TRIM33: variants seen among roughly 807,000 people sequenced by gnomAD.
The protein encoded by TRIM33 is tripartite motif containing 33.
TRIM33 carries 20 observed loss-of-function variants against 125.4 expected under a neutral mutation model. That is an observed-to-expected ratio of 0.16 (90% confidence interval 0.11 to 0.23). The LOEUF (loss-of-function observed/expected upper bound fraction) is 0.23, where lower values mean the gene tolerates loss of function less well. TRIM33 is among the 10% of genes least tolerant of loss of function. TRIM33 has a pLI of 1.00. For synonymous variants in TRIM33, 564 were observed against 513.9 expected (o/e 1.10, Z -1.32); for missense variants, 920 against 1,411.4 (o/e 0.65, Z 5.58).
At chr1:114,475,145 CAA>C (rs1484758514) in intron 1 of TRIM33, among the ~76,000 whole-genome samples, 1 of 152,050 alleles carries the variant, frequency 6.6e-6, no homozygotes, top group African/African-American at 2.4e-5. Flanking sequence ...CCCCACAAAA[CAA>C]AAGAGAGGCT....
At chr1:114,495,897 T>C (rs963705057) in intron 1 of TRIM33, among the ~76,000 whole-genome samples, 1 of 152,208 alleles carries the variant, frequency 6.6e-6, no homozygotes, top group Non-Finnish European at 1.5e-5. Context: ...TATTACTAAT[T>C]TATTATAAAA....
chr1:114,450,817 C>A (rs1037809232), intron 4 of TRIM33, among the ~76,000 whole-genome samples: 1 of 152,142 alleles, frequency 6.6e-6, no homozygotes, highest in Non-Finnish European at 1.5e-5. Context: ...TTTTAAAAAT[C>A]ATTGTTCTGG....
At chr1:114,472,090 A>C (rs1051578406) in intron 1 of TRIM33, among the ~76,000 whole-genome samples, 11 of 152,198 alleles carry the variant, frequency 7.2e-5, no homozygotes, top group African/African-American at 2.7e-4. Flanking sequence ...GCCTTCCTAA[A>C]ATGTGAACAC....
intron 15 of TRIM33, among the ~76,000 whole-genome samples, chr1:114,403,735 T>A (rs565938685): frequency 1.3e-5 from 2 of 152,192 alleles, no homozygotes; most frequent in Non-Finnish European, 2.9e-5. Flanking sequence ...GGTTTCACCA[T>A]GTTGACCAGG....
intron 4 of TRIM33, among the ~76,000 whole-genome samples, chr1:114,448,603 A>C (rs1330873940): frequency 2.0e-5 from 3 of 152,226 alleles, no homozygotes; most frequent in Non-Finnish European, 4.4e-5. Context: ...AAGTGAATTC[A>C]AAAAGTGGGA....
chr1:114,501,453 G>GA (rs1365402344), intron 1 of TRIM33, among the ~76,000 whole-genome samples: 3 of 152,160 alleles, frequency 2.0e-5, no homozygotes, highest in Non-Finnish European at 4.4e-5. Flanking sequence ...AATGACAGCT[G>GA]TTTTTCACCC....
Position 114,397,390 on chromosome 1 carries a change from C to G in TRIM33, c.*258G>C, listed in dbSNP as rs1046814067. 6.1e-6 allele frequency: 3 copies of G among 488,536 alleles called. No individual in the cohort carries two copies. The highest frequency in any genetic ancestry group is 1.9e-5 in the African/African-American group (1 of 51,660). The allele number at this position is 488,536 out of a possible 1,614,324, so 30.3% of individuals were successfully genotyped here. A position where few individuals can be genotyped will look rare whatever the true frequency, so the allele number is the denominator to read the frequency against. On this transcript the variant is annotated 3_prime_UTR_variant, in exon 20 of 20. Transcript: ENST00000358465. ...AATCAGAGAATCATCTCCATTAGAA[C>G]AGAAATCCTCAAATCATTTCACTTT...
At chr1:114,454,602 C>T (rs141197454) in intron 4 of TRIM33, among the ~76,000 whole-genome samples, 64 of 151,164 alleles carry the variant, frequency 4.2e-4, no homozygotes, top group African/African-American at 1.2e-3. Context: ...GAGAGAACTG[C>T]TTGAGCCCAG....
Position 114,421,524 on chromosome 1 carries a change from G to C in TRIM33, c.1973C>G (p.Thr658Ser). Residue 658 changes from threonine to serine, a missense_variant, in exon 11 of 20, where the codon ACC becomes AGC. By Grantham distance (58) the Thr-to-Ser change is moderately conservative. Transcript: ENST00000358465. ...ATMANANRGP[T>S]SPSVTAIELI... ...CTCTATTGCTGTAACAGATGGGCTG[G>C]TGGGACCTCGGTTTGCATTTGCCAT... 1.2e-6 allele frequency: 2 copies of C among 1,614,160 alleles called. No homozygotes were observed. Among genetic ancestry groups the C allele is most frequent in the Non-Finnish European group, 1.7e-6 (2 of 1,180,036 alleles).
At chr1:114,399,916 T>G (rs1428846832) in intron 17 of TRIM33, among the ~76,000 whole-genome samples, 1 of 152,064 alleles carries the variant, frequency 6.6e-6, no homozygotes, top group Non-Finnish European at 1.5e-5. Flanking sequence ...ACCAGAATTT[T>G]ATGACTCCTT....
chr1:114,433,231 A>G (rs1360768563), intron 5 of TRIM33, among the ~76,000 whole-genome samples: 1 of 152,210 alleles, frequency 6.6e-6, no homozygotes, highest in Non-Finnish European at 1.5e-5. Context: ...TAAGATAAGC[A>G]CTGTTTTCAA....
At position 114,394,803 on chromosome 1, in the gene TRIM33, T is replaced by G. The variant is rs1319414205; in HGVS notation, c.*2845A>C. The G allele has an allele frequency of 5.0e-6, 1 of 198,942 alleles. No individual in the cohort carries two copies. Among genetic ancestry groups the G allele is most frequent in the Non-Finnish European group, 1.0e-5 (1 of 96,196 alleles). The allele number at this position is 198,942 out of a possible 1,614,324, so 12.3% of individuals were successfully genotyped here. A position where few individuals can be genotyped will look rare whatever the true frequency, so the allele number is the denominator to read the frequency against. ...CACTCAGTGAATTGGCTGAGCCAAG[T>G]GCTGAAAACACAAATTTAGGTCAGC... is the stretch of plus-strand genomic sequence containing the variant. On this transcript the variant is annotated 3_prime_UTR_variant, in exon 20 of 20. Coordinates refer to ENST00000358465, the MANE Select transcript of TRIM33 (RefSeq NM_015906.4).
chr1:114,425,413 T>C (rs1280287711), intron 9 of TRIM33, 36 bp downstream of exon 9: 3 of 1,603,930 alleles, frequency 1.9e-6, no homozygotes, highest in Non-Finnish European at 2.6e-6. Context: ...GAGGGCTTCA[T>C]AATTTCTATC....
intron 1 of TRIM33, among the ~76,000 whole-genome samples, chr1:114,502,496 C>T (rs1416286338): frequency 6.6e-6 from 1 of 151,960 alleles, no homozygotes; most frequent in African/African-American, 2.4e-5. Context: ...GTTAAAATGA[C>T]GTTTACTTTA....
chr1:114,494,124 T>C (rs1570665775), intron 1 of TRIM33, among the ~76,000 whole-genome samples: 1 of 79,372 alleles, frequency 1.3e-5, no homozygotes, highest in Admixed American at 1.1e-4. Flanking sequence ...CACCCCGCCA[T>C]TTTTTTTTTT....
Position 114,510,997 on chromosome 1 carries a change from G to A in TRIM33, c.80C>T (p.Ala27Val). 1 of 1,329,662 alleles carries A rather than the reference G, an allele frequency of 7.5e-7. No homozygotes were observed. The highest frequency in any genetic ancestry group is 9.6e-7 in the Non-Finnish European group (1 of 1,042,296). 82.4% of individuals were successfully genotyped at this position (1,329,662 alleles called of 1,614,324 possible). A position where few individuals can be genotyped will look rare whatever the true frequency, so the allele number is the denominator to read the frequency against. ...CTCCGCCTCCTGCGCGGCGGGCCCG[G>A]CGGCCCCGGCAGTTACCGGCGCGCT... The part of the protein sequence containing the change: ...SGSAPVTAGA[A>V]GPAAQEAEPP... The change falls in exon 1 of 20, where the codon GCC becomes GTC. Residue 27 changes from alanine (A) to valine (V), a missense_variant. Ala to Val is a moderately conservative substitution (Grantham distance 64, BLOSUM62 0). Transcript: ENST00000358465.
intron 6 of TRIM33, 95 bp downstream of exon 6, chr1:114,430,703 C>G (rs532154296): frequency 1.4e-6 from 1 of 740,660 alleles, no homozygotes; most frequent in African/African-American, 1.8e-5. Context: ...TATTTCCATA[C>G]CCCCCAATCC....
chr1:114,494,134 T>A (rs1022559219), intron 1 of TRIM33, among the ~76,000 whole-genome samples: 36 of 148,654 alleles, frequency 2.4e-4, no homozygotes, highest in East Asian at 5.8e-4. Flanking sequence ...TTTTTTTTTT[T>A]AATTTTATTT....
intron 1 of TRIM33, among the ~76,000 whole-genome samples, chr1:114,483,229 C>G (rs1441389286): frequency 6.6e-6 from 1 of 151,978 alleles, no homozygotes; most frequent in Non-Finnish European, 1.5e-5. Context: ...ACTGCTTGAG[C>G]CTATGAGATG....
Sources: allele counts gnomAD v4.1 joint callset (sites outside exome capture counted in the v4.1 genomes callset), GRCh38; gene constraint gnomAD v4.1.1; transcripts MANE v1.5; gene names NCBI Gene and HGNC (gene_info 2026-07-23, HGNC 2026-07-21).